Variants in MTMR6 observed in about 807,000 individuals in gnomAD.
MTMR6 encodes myotubularin related protein 6.
Under a neutral mutation model 80.1 loss-of-function variants are expected in MTMR6, and 47 were observed. The ratio of observed to expected loss-of-function variants is 0.59; its 90% CI spans 0.46 to 0.75. The LOEUF is 0.75. Among genes scored for constraint, MTMR6 ranks in the 30% least tolerant of loss-of-function variants. MTMR6 has a pLI of 0.00. For synonymous variants in MTMR6, 254 were observed against 253.0 expected, an observed-to-expected ratio of 1.00 and a Z score of -0.04; for missense variants, 629 against 730.9, an observed-to-expected ratio of 0.86 and a Z score of 1.61.
chr13:25,263,639 C>T lies in MTMR6; in HGVS notation c.592-1837G>A, dbSNP rs539846659. ...CGGTGGCTCACACCTGCAATCCCAG[C>T]ACTTTGGGAGGCCGAGGCCGGTGGA... On this transcript the variant is annotated intron_variant, in intron 5 of 13. Coordinates refer to ENST00000381801, the MANE Select transcript of MTMR6 (RefSeq NM_004685.5). Among the ~76,000 whole-genome samples the T allele has an allele frequency of 4.1e-3, 619 of 152,316 alleles. 3 individuals carry two copies. The highest frequency in any genetic ancestry group is 6.5e-3 in the Non-Finnish European group (443 of 68,030).
At chr13:25,252,209 TA>T (rs144391616) in intron 11 of MTMR6, among the ~76,000 whole-genome samples, 10,281 of 152,266 alleles carry the variant, frequency 0.068, 419 homozygotes, top group Admixed American at 0.094. Context: ...AACACAGGTA[TA>T]ACATTTTCTC....
chr13:25,257,887 A>G, intron 7 of MTMR6, 42 bp from the exon 8 acceptor site: 1 of 1,407,066 alleles, frequency 7.1e-7, no homozygotes, highest in Non-Finnish European at 9.9e-7. Flanking sequence ...ATATGGCTAG[A>G]GTTTCTGCAT....
intron 2 of MTMR6, among the ~76,000 whole-genome samples, chr13:25,269,041 C>T (rs985630875): frequency 1.3e-5 from 2 of 152,114 alleles, no homozygotes; most frequent in South Asian, 2.1e-4. Flanking sequence ...GTGCTTGGGG[C>T]GGTACTGACA....
Position 25,248,905 on chromosome 13 carries a change from T to C in MTMR6, c.*327A>G, listed in dbSNP as rs149000585. On this transcript the variant is annotated 3_prime_UTR_variant, in exon 14 of 14. Coordinates refer to ENST00000381801, the MANE Select transcript of MTMR6 (RefSeq NM_004685.5). ...CAAATTTTGTTTTCTTGAAGTTAAATTGTACTTAAGGAAGGTTATTTATGT... is the reference window on the plus strand; with the variant it reads ...CAAATTTTGTTTTCTTGAAGTTAAACTGTACTTAAGGAAGGTTATTTATGT... The C allele has an allele frequency of 9.5e-4, 196 of 205,374 alleles. No individual in the cohort carries two copies. Among genetic ancestry groups the C allele is most frequent in the Non-Finnish European group, 1.7e-3 (180 of 103,024 alleles). 12.7% of individuals were successfully genotyped at this position (205,374 alleles called of 1,614,324 possible).
intron 1 of MTMR6, among the ~76,000 whole-genome samples, chr13:25,276,926 G>A (rs1208904311): frequency 1.3e-5 from 2 of 152,166 alleles, no homozygotes; most frequent in Non-Finnish European, 2.9e-5. Context: ...GACTTGGTGA[G>A]GTTGGTTAGT....
intron 13 of MTMR6, among the ~76,000 whole-genome samples, chr13:25,250,488 T>C (rs765772246): frequency 2.4e-4 from 36 of 152,024 alleles, no homozygotes; most frequent in Non-Finnish European, 5.0e-4. Context: ...AAGGCAAATA[T>C]GCCAACAGAA....
chr13:25,268,245 C>T (rs1464788139), intron 2 of MTMR6, among the ~76,000 whole-genome samples: 2 of 152,134 alleles, frequency 1.3e-5, no homozygotes, highest in Non-Finnish European at 2.9e-5. Flanking sequence ...GTAATGTCCC[C>T]ACTGTTTCTC....
At position 25,251,563 on chromosome 13, in the gene MTMR6, G is replaced by A; in HGVS notation, c.1605+86C>T. The A allele has an allele frequency of 2.5e-6, 3 of 1,209,456 alleles. No individual in the cohort carries two copies. The highest frequency in any genetic ancestry group is 5.6e-5 in the Admixed American group (2 of 35,700). The allele number at this position is 1,209,456 out of a possible 1,614,324, so 74.9% of individuals were successfully genotyped here. ...AACTGCTTACTTCAGAAGTTTATGT[G>A]CTGATTTACACCAACAATACAAATA... is the stretch of plus-strand genomic sequence containing the variant. On this transcript the variant is annotated intron_variant, in intron 13 of 13. Coordinates refer to ENST00000381801, the MANE Select transcript of MTMR6 (RefSeq NM_004685.5). This position sits in a 1 kb window ranked among gnomAD's most constrained non-coding sequence, Gnocchi z 4.1.
chr13:25,274,409 C>T (rs1274917113), intron 1 of MTMR6, among the ~76,000 whole-genome samples: 3 of 151,996 alleles, frequency 2.0e-5, no homozygotes, highest in Non-Finnish European at 4.4e-5. Flanking sequence ...AATAGAGAAC[C>T]ACATTGTAAA....
At chr13:25,284,131 T>G (rs942940818) in intron 1 of MTMR6, among the ~76,000 whole-genome samples, 1 of 152,210 alleles carries the variant, frequency 6.6e-6, no homozygotes, top group Admixed American at 6.5e-5. Flanking sequence ...TATTTATTTA[T>G]GACAAAAAGA....
chr13:25,286,925 G>C (rs1957964484), intron 1 of MTMR6, among the ~76,000 whole-genome samples: 1 of 152,236 alleles, frequency 6.6e-6, no homozygotes, highest in East Asian at 1.9e-4. Context: ...CCCCAATTTT[G>C]CCCGAGAAAA....
rs940348991 is a variant in MTMR6, at chr13:25,248,789, T to A, written c.*443A>T. 6.5e-6 allele frequency: 1 copy of A among 153,566 alleles called. No individual in the cohort carries two copies. Among genetic ancestry groups the A allele is most frequent in the African/African-American group, 2.4e-5 (1 of 41,496 alleles). 9.5% of individuals were successfully genotyped at this position (153,566 alleles called of 1,614,324 possible). On this transcript the variant is annotated 3_prime_UTR_variant, in exon 14 of 14. Transcript: ENST00000381801. Reference sequence around the variant, plus strand: ...TTTCATGGCACTTTAACATTAAATATCACTAAAAGGCAAAATATGTAAATA... The same window carrying A: ...TTTCATGGCACTTTAACATTAAATAACACTAAAAGGCAAAATATGTAAATA...
At chr13:25,278,375 T>C (rs1309638905) in intron 1 of MTMR6, among the ~76,000 whole-genome samples, 1 of 152,112 alleles carries the variant, frequency 6.6e-6, no homozygotes, top group East Asian at 1.9e-4. Context: ...AGGCAATCAC[T>C]TGAGCCCAAG....
chr13:25,256,554 T>C (rs1441354004), intron 9 of MTMR6, among the ~76,000 whole-genome samples: 1 of 152,174 alleles, frequency 6.6e-6, no homozygotes, highest in Non-Finnish European at 1.5e-5. Context: ...AAGATGTAAA[T>C]TTTGAAAACA....
At chr13:25,257,943 CAAAAT>C in intron 7 of MTMR6, 98 bp from the exon 8 acceptor site, 2 of 717,934 alleles carry the variant, frequency 2.8e-6, no homozygotes, top group Non-Finnish European at 4.4e-6. Context: ...AGAAAGAAGA[CAAAAT>C]AAACAGGCAA....
Position 25,249,095 on chromosome 13 carries a change from A to T in MTMR6, c.*137T>A. The stretch of plus-strand genomic sequence containing the variant: ...TATTTCTCTCACAAGGGTAGTTATT[A>T]TCCTTCCTTCAACTATTAGCCTACT... On this transcript the variant is annotated 3_prime_UTR_variant, in exon 14 of 14. Transcript: ENST00000381801. 1 of 809,442 alleles carries T rather than the reference A, an allele frequency of 1.2e-6. No individual in the cohort carries two copies. Among genetic ancestry groups the T allele is most frequent in the Non-Finnish European group, 1.9e-6 (1 of 525,878 alleles). The allele number at this position is 809,442 out of a possible 1,614,324, so 50.1% of individuals were successfully genotyped here.
rs868017680 is a variant in MTMR6 at position 25,265,707 on chromosome 13, C to T, written c.591+112G>A. 11 of 1,214,832 alleles carry T rather than the reference C, an allele frequency of 9.1e-6. No homozygotes were observed. The Admixed American group carries it at 1.2e-4, about 13-fold the overall frequency. 75.3% of individuals were successfully genotyped at this position (1,214,832 alleles called of 1,614,324 possible). A position where few individuals can be genotyped will look rare whatever the true frequency, so the allele number is the denominator to read the frequency against. On this transcript the variant is annotated intron_variant, in intron 5 of 13. Transcript: ENST00000381801. ...AGATGGTGCCACTGCACTCCAGCTT[C>T]GGCAACAGAGCGAGACCCTATCTCA...
At chr13:25,263,743 A>C (rs996772686) in intron 5 of MTMR6, among the ~76,000 whole-genome samples, 4 of 151,296 alleles carry the variant, frequency 2.6e-5, no homozygotes, top group Admixed American at 2.6e-4. Context: ...AAAATTAGCC[A>C]GGCATGGTGG....
In MTMR6 at chr13:25,251,626, A is replaced by G; in HGVS notation, c.1605+23T>C. On this transcript the variant is annotated intron_variant, in intron 13 of 13. Transcript: ENST00000381801. This position sits in a 1 kb window ranked among gnomAD's most constrained non-coding sequence, Gnocchi z 4.1. ...TAAACTAATTTCACATTCCAAATAT[A>G]TTAGATACTTCAGAATACTTACAGA... is the stretch of plus-strand genomic sequence containing the variant. 1 of 1,447,746 alleles carries G rather than the reference A, an allele frequency of 6.9e-7. No homozygotes were observed. Among genetic ancestry groups the G allele is most frequent in the Non-Finnish European group, 9.5e-7 (1 of 1,048,686 alleles). The allele number at this position is 1,447,746 out of a possible 1,614,324, so 89.7% of individuals were successfully genotyped here. A position where few individuals can be genotyped will look rare whatever the true frequency, so the allele number is the denominator to read the frequency against.
Sources: gnomAD v4.1 joint callset for allele counts (sites outside exome capture counted in the v4.1 genomes callset) on GRCh38, gnomAD v4.1.1 for gene constraint, Gnocchi (gnomAD v3.1) non-coding constraint, MANE v1.5 for transcripts, NCBI Gene and HGNC (gene_info 2026-07-23, HGNC 2026-07-21) for gene names.